The following ATP10A variants were observed in gnomAD, a reference collection of about 807,000 sequenced individuals.
The protein encoded by ATP10A is ATPase phospholipid transporting 10A (putative), also known as phospholipid-transporting ATPase VA.
Under a neutral mutation model 147.8 loss-of-function variants are expected in ATP10A, and 111 were observed. That is an observed-to-expected ratio of 0.75 (90% CI 0.64 to 0.88). ATP10A has a LOEUF of 0.88. Ranked by LOEUF, ATP10A falls within the 40% of genes least tolerant of loss-of-function variation. The probability of loss-of-function intolerance (pLI) is 0.00; values close to 1 mark genes in which losing one functional copy is unlikely to be tolerated. For synonymous variants in ATP10A, 875 were observed against 841.6 expected, an observed-to-expected ratio of 1.04 and a Z score of -0.69; for missense variants, 1,927 against 1,959.0, an observed-to-expected ratio of 0.98 and a Z score of 0.31.
Position 25,800,484 on chromosome 15 carries a change from C to G in ATP10A, c.450-19261G>C, listed in dbSNP as rs77761912. ...TGCCTGAGTTCTCACCTGCCCTCCC[C>G]TTGTGACCCAGCGGTTGCAGCTGGG... On this transcript the variant is annotated intron_variant, in intron 1 of 20. Coordinates refer to ENST00000555815, the MANE Select transcript of ATP10A (RefSeq NM_024490.4). 1.3e-3 allele frequency among the ~76,000 whole-genome samples: 202 copies of G among 152,310 alleles called. 7 individuals are homozygous for G. The East Asian group carries it at 0.036, about 27-fold the overall frequency.
In ATP10A at chr15:25,726,045, G is replaced by C. The variant is rs920518726; in HGVS notation, c.885C>G (p.Pro295=). The C allele has an allele frequency of 1.2e-6, 2 of 1,614,096 alleles. No homozygotes were observed. Among genetic ancestry groups the C allele is most frequent in the Non-Finnish European group, 1.7e-6 (2 of 1,180,002 alleles). Residue 295 remains proline, a synonymous_variant, in exon 5 of 21, where the codon CCC becomes CCG. Transcript: ENST00000555815. ...ETKALLNNSG[P]RYKRSKLERQ... ...TCTCCAGCTTGCTGCGCTTGTAGCG[G>C]GGCCCACTGTTGTTCAGCAGAGCCT...
At chr15:25,766,903 T>TAAAA (rs778348104) in intron 2 of ATP10A, among the ~76,000 whole-genome samples, 170 of 110,646 alleles carry the variant, frequency 1.5e-3, no homozygotes, top group African/African-American at 6.2e-3. Context: ...GAACTGTTTC[T>TAAAA]AAAAAAAAAA....
At position 25,683,373 on chromosome 15, in the gene ATP10A, C is replaced by T. The variant is rs779847559; in HGVS notation, c.3405G>A (p.Pro1135=). 9.5e-5 allele frequency: 153 copies of T among 1,613,902 alleles called. 1 individual carries two copies. The highest frequency in any genetic ancestry group is 3.3e-4 in the Middle Eastern group (2 of 6,084). The change falls in exon 17 of 21, where the codon CCG becomes CCA. Residue 1135 remains proline (P), a synonymous_variant. Coordinates refer to ENST00000555815, the MANE Select transcript of ATP10A (RefSeq NM_024490.4). The stretch of plus-strand genomic sequence containing the variant: ...CCCTGTCCAGCACCCCAGTCACGAG[C>T]GGGGGAAGTGACGAGAAGAGCAGAT... The part of the protein sequence containing the change: ...FFNLLFSSLP[P]LVTGVLDRDV...
intron 6 of ATP10A, 110 bp from the exon 7 acceptor site, chr15:25,722,019 T>C: frequency 8.3e-7 from 1 of 1,206,982 alleles, no homozygotes; most frequent in Non-Finnish European, 1.2e-6. Context: ...AAGTAGGGAC[T>C]ATACTGTACC....
chr15:25,858,551 A>G lies in ATP10A; in HGVS notation c.449+4097T>C, dbSNP rs572568960. On this transcript the variant is annotated intron_variant, in intron 1 of 20. Transcript: ENST00000555815. Reference sequence around the variant, plus strand: ...CCTTCTCATCTGCTCAGCTCTTCCAAAACAACAAAGCATGAAGGGCAGGGG... The same window carrying G: ...CCTTCTCATCTGCTCAGCTCTTCCAGAACAACAAAGCATGAAGGGCAGGGG... 3.3e-5 allele frequency among the ~76,000 whole-genome samples: 5 copies of G among 152,308 alleles called. 1 individual carries two copies. In the South Asian group the frequency reaches 1.0e-3, roughly 32 times the overall value.
intron 1 of ATP10A, among the ~76,000 whole-genome samples, chr15:25,847,971 A>C (rs565610913): frequency 1.5e-5 from 2 of 137,138 alleles, no homozygotes; most frequent in African/African-American, 4.9e-5. Flanking sequence ...AATCAATATT[A>C]ACACACAAAA....
chr15:25,730,665 G>T (rs1902926578), intron 3 of ATP10A, among the ~76,000 whole-genome samples: 1 of 152,118 alleles, frequency 6.6e-6, no homozygotes, highest in South Asian at 2.1e-4. Flanking sequence ...AGTGGGTCCT[G>T]ACTGACATAA....
intron 1 of ATP10A, among the ~76,000 whole-genome samples, chr15:25,802,473 G>A (rs1406567871): frequency 6.6e-6 from 1 of 152,148 alleles, no homozygotes; most frequent in Non-Finnish European, 1.5e-5. Flanking sequence ...GCAGTAACAG[G>A]TCACCACAAA....
At chr15:25,839,833 A>G (rs1227213461) in intron 1 of ATP10A, among the ~76,000 whole-genome samples, 1 of 152,192 alleles carries the variant, frequency 6.6e-6, no homozygotes, top group Admixed American at 6.5e-5. Context: ...ACCATGCCCC[A>G]AAACCAGAGG....
chr15:25,707,875 G>T, intron 12 of ATP10A, 101 bp downstream of exon 12: 1 of 1,501,430 alleles, frequency 6.7e-7, no homozygotes, highest in Non-Finnish European at 9.0e-7. Context: ...CCTAACCAAG[G>T]CCAGCCTGCG....
Position 25,708,167 on chromosome 15 carries a change from G to C in ATP10A, c.2448+30C>G, listed in dbSNP as rs772383675. 1.9e-6 allele frequency: 3 copies of C among 1,613,920 alleles called. No homozygotes were observed. The Admixed American group carries it at 5.0e-5, about 27-fold the overall frequency. On this transcript the variant is annotated intron_variant, in intron 11 of 20. Coordinates refer to ENST00000555815, the MANE Select transcript of ATP10A (RefSeq NM_024490.4). ...CTCACTGTGGGGCGGCCACCTGCACGTGCACCCTCGCGGAGACACCCCCAC... is the reference window on the plus strand; with the variant it reads ...CTCACTGTGGGGCGGCCACCTGCACCTGCACCCTCGCGGAGACACCCCCAC...
chr15:25,739,535 T>C (rs1887472216), intron 2 of ATP10A, among the ~76,000 whole-genome samples: 2 of 152,302 alleles, frequency 1.3e-5, no homozygotes, highest in South Asian at 2.1e-4. Flanking sequence ...TCCTGTAGGA[T>C]GCAGAGATGG....
At chr15:25,855,571 C>CACACACAT (rs1307203359) in intron 1 of ATP10A, among the ~76,000 whole-genome samples, 2 of 150,680 alleles carry the variant, frequency 1.3e-5, no homozygotes, top group Non-Finnish European at 1.5e-5. Flanking sequence ...CACACACACA[C>CACACACAT]ACATACATGC....
chr15:25,814,991 A>C (rs1891590263), intron 1 of ATP10A, among the ~76,000 whole-genome samples: 1 of 152,144 alleles, frequency 6.6e-6, no homozygotes, highest in Admixed American at 6.5e-5. Context: ...AAGAATGTAT[A>C]CACAGGAAGG....
chr15:25,760,240 A>G (rs111460999), intron 2 of ATP10A, among the ~76,000 whole-genome samples: 2,309 of 152,342 alleles, frequency 0.015, 69 homozygotes, highest in African/African-American at 0.053. Context: ...GGCTTATCGA[A>G]TATTTTAAAT....
At chr15:25,774,392 C>T (rs186199285) in intron 2 of ATP10A, among the ~76,000 whole-genome samples, 85 of 152,162 alleles carry the variant, frequency 5.6e-4, no homozygotes, top group African/African-American at 1.9e-3. Context: ...CTGACCAAGA[C>T]GGAGAAACCC....
intron 13 of ATP10A, among the ~76,000 whole-genome samples, chr15:25,698,637 A>G (rs1900488191): frequency 6.6e-6 from 1 of 152,206 alleles, no homozygotes; most frequent in Non-Finnish European, 1.5e-5. Flanking sequence ...CTACGTGTTC[A>G]AGGGTCAACT....
In ATP10A at chr15:25,781,258, G is replaced by A. The variant is rs1889908451; in HGVS notation, c.450-35C>T. The A allele has an allele frequency of 3.2e-6, 5 of 1,562,974 alleles. No homozygotes were observed. The East Asian group carries it at 1.2e-4, about 37-fold the overall frequency. On this transcript the variant is annotated intron_variant, in intron 1 of 20. Transcript: ENST00000555815. ...AGATTTTGATTAACAAAACTCACGA[G>A]ACATTGGTCGTGGCTGGATCTGGGT... is the stretch of plus-strand genomic sequence containing the variant.
At chr15:25,849,495 T>G (rs1893185208) in intron 1 of ATP10A, among the ~76,000 whole-genome samples, 1 of 152,212 alleles carries the variant, frequency 6.6e-6, no homozygotes, top group South Asian at 2.1e-4. Flanking sequence ...CCTCCCTCCT[T>G]CTACGCCTTC....
Sources: allele counts gnomAD v4.1 joint callset (sites outside exome capture counted in the v4.1 genomes callset), GRCh38; gene constraint gnomAD v4.1.1; transcripts MANE v1.5; gene names NCBI Gene and HGNC (gene_info 2026-07-23, HGNC 2026-07-21).